CCSER2: variants seen among roughly 807,000 people sequenced by gnomAD.
CCSER2 encodes coiled-coil serine rich protein 2.
A neutral mutation model predicts 92.3 loss-of-function variants in CCSER2; 46 were observed. The observed-to-expected ratio is 0.50, with a 90% CI of 0.39 to 0.64. The LOEUF is 0.64. CCSER2 is among the 30% of genes least tolerant of loss of function. The probability of loss-of-function intolerance (pLI) is 0.00; values close to 1 mark genes in which losing one functional copy is unlikely to be tolerated. For missense variants in CCSER2, 1,244 were observed against 1,238.9 expected (o/e 1.00, Z -0.06); for synonymous variants, 433 against 431.4 (o/e 1.00, Z -0.04).
intron 8 of CCSER2, among the ~76,000 whole-genome samples, chr10:84,474,813 G>A (rs973629436): frequency 6.6e-6 from 1 of 152,124 alleles, no homozygotes; most frequent in African/African-American, 2.4e-5. Context: ...ATCACCCAGT[G>A]TAAATCAGTG....
intron 1 of CCSER2, among the ~76,000 whole-genome samples, chr10:84,347,312 G>A (rs941331598): frequency 9.2e-5 from 14 of 152,158 alleles, no homozygotes; most frequent in Admixed American, 3.3e-4. Context: ...AGACGGGGTG[G>A]TGGCCAGGCA....
chr10:84,462,074 C>G (rs185558498), intron 6 of CCSER2, among the ~76,000 whole-genome samples: 1 of 152,268 alleles, frequency 6.6e-6, no homozygotes, highest in Admixed American at 6.5e-5. Context: ...AGAGGCTAGT[C>G]TGGGACCTGG....
chr10:84,353,221 T>C (rs1246087560), intron 1 of CCSER2, among the ~76,000 whole-genome samples: 3 of 152,202 alleles, frequency 2.0e-5, no homozygotes, highest in Non-Finnish European at 4.4e-5. Flanking sequence ...GTTAAGCCTT[T>C]CCACCCTCTG....
At chr10:84,394,346 A>G (rs1454015306) in intron 3 of CCSER2, among the ~76,000 whole-genome samples, 2 of 151,044 alleles carry the variant, frequency 1.3e-5, no homozygotes, top group African/African-American at 4.9e-5. Context: ...TTTATAAATG[A>G]TTAGTATGCA....
chr10:84,501,154 C>G (rs1848697911), intron 9 of CCSER2, among the ~76,000 whole-genome samples: 1 of 152,188 alleles, frequency 6.6e-6, no homozygotes, highest in African/African-American at 2.4e-5. Context: ...TCTCCCACCA[C>G]CTTGGTAACT....
At chr10:84,370,850 ATTAAT>A (rs1169458503) in intron 1 of CCSER2, among the ~76,000 whole-genome samples, 159 bp from the exon 2 acceptor site, 1 of 152,172 alleles carries the variant, frequency 6.6e-6, no homozygotes, top group Non-Finnish European at 1.5e-5. Flanking sequence ...ACATAAAGTT[ATTAAT>A]TTAATTAGTG....
intron 6 of CCSER2, among the ~76,000 whole-genome samples, chr10:84,454,225 C>A (rs1427009238): frequency 1.3e-5 from 2 of 152,210 alleles, no homozygotes; most frequent in Non-Finnish European, 2.9e-5. Flanking sequence ...CCAGTCTCTA[C>A]TTCCATCTTC....
At position 84,513,439 on chromosome 10, in the gene CCSER2, A is replaced by G; in HGVS notation, c.2326-10A>G. ...GAACTTGCTGCTAATGTTGTTTTTA[A>G]TTTTAACAGCCTCAAGTACTACAGC... On this transcript the variant is annotated splice_polypyrimidine_tract_variant and intron_variant, in intron 9 of 9. Transcript: ENST00000372088. 1 of 1,564,684 alleles carries G rather than the reference A, an allele frequency of 6.4e-7. No individual in the cohort carries two copies. Among genetic ancestry groups the G allele is most frequent in the Non-Finnish European group, 8.6e-7 (1 of 1,157,016 alleles).
intron 7 of CCSER2, among the ~76,000 whole-genome samples, chr10:84,469,964 A>G (rs960000139): frequency 1.9e-4 from 25 of 131,702 alleles, no homozygotes; most frequent in Non-Finnish European, 6.5e-5. Context: ...TTCACAGGCT[A>G]CTCTTATGTA....
At chr10:84,503,170 G>A (rs866426513) in intron 9 of CCSER2, among the ~76,000 whole-genome samples, 6 of 152,072 alleles carry the variant, frequency 3.9e-5, no homozygotes, top group Admixed American at 1.3e-4. Flanking sequence ...GGAGCTTGCC[G>A]TGAGCCAGAT....
rs544457008 is a variant in CCSER2 at position 84,460,548 on chromosome 10, G to A, written c.2065-3385G>A. On this transcript the variant is annotated intron_variant, in intron 6 of 9. Coordinates refer to ENST00000372088, the MANE Select transcript of CCSER2 (RefSeq NM_001284240.2). ...TTTCTCTAAGTGGTTGTATAGAATTGATGTTATTCTCTTAAATTTTGGAAC... is the reference window on the plus strand; with the variant it reads ...TTTCTCTAAGTGGTTGTATAGAATTAATGTTATTCTCTTAAATTTTGGAAC... 1.2e-4 allele frequency among the ~76,000 whole-genome samples: 18 copies of A among 151,212 alleles called. No homozygotes were observed. In the South Asian group the frequency reaches 3.8e-3, roughly 32 times the overall value.
At chr10:84,466,437 G>A (rs936503087) in intron 7 of CCSER2, among the ~76,000 whole-genome samples, 2 of 151,814 alleles carry the variant, frequency 1.3e-5, no homozygotes, top group African/African-American at 2.4e-5. Context: ...TCTGCAGGTA[G>A]CCTTATGTTT....
At chr10:84,406,823 T>C (rs984656319) in intron 3 of CCSER2, among the ~76,000 whole-genome samples, 3 of 152,206 alleles carry the variant, frequency 2.0e-5, no homozygotes, top group Non-Finnish European at 2.9e-5. Context: ...TGGTTTCCTC[T>C]TTTCCTGTAA....
At chr10:84,411,030 C>T (rs1490552910) in intron 3 of CCSER2, among the ~76,000 whole-genome samples, 1 of 152,178 alleles carries the variant, frequency 6.6e-6, no homozygotes, top group Non-Finnish European at 1.5e-5. Flanking sequence ...TGTCCTTTCT[C>T]TGTTGCTTGT....
intron 9 of CCSER2, among the ~76,000 whole-genome samples, chr10:84,478,344 T>C (rs1287834358): frequency 6.6e-6 from 1 of 152,222 alleles, no homozygotes; most frequent in African/African-American, 2.4e-5. Flanking sequence ...GTCATTCTGC[T>C]GTTGTTTGGG....
In CCSER2 at chr10:84,425,899, T is replaced by A. The variant is rs1398208586; in HGVS notation, c.1868+6T>A. The stretch of plus-strand genomic sequence containing the variant: ...GGAAAAAGTGACTTGAGCAGGTAAG[T>A]ACTGTTCTGACTTAGATTTCATTTG... On this transcript the variant is annotated splice_donor_region_variant and intron_variant, in intron 5 of 9. Coordinates refer to ENST00000372088, the MANE Select transcript of CCSER2 (RefSeq NM_001284240.2). 2 of 1,546,552 alleles carry A rather than the reference T, an allele frequency of 1.3e-6. No individual in the cohort carries two copies. The highest frequency in any genetic ancestry group is 1.8e-6 in the Non-Finnish European group (2 of 1,139,962).
intron 9 of CCSER2, among the ~76,000 whole-genome samples, chr10:84,484,564 A>G (rs1365640495): frequency 1.3e-5 from 2 of 151,806 alleles, no homozygotes; most frequent in African/African-American, 2.4e-5. Flanking sequence ...TGTATTCACT[A>G]TTACTTATAT....
At chr10:84,471,662 G>T (rs1403250498) in intron 8 of CCSER2, among the ~76,000 whole-genome samples, 1 of 152,070 alleles carries the variant, frequency 6.6e-6, no homozygotes, top group Non-Finnish European at 1.5e-5. Context: ...AGATTAAAAT[G>T]AATGAGCGGT....
At chr10:84,450,063 G>A (rs1437460392) in intron 6 of CCSER2, among the ~76,000 whole-genome samples, 1 of 152,074 alleles carries the variant, frequency 6.6e-6, no homozygotes, top group African/African-American at 2.4e-5. Context: ...AAAGTCAAGG[G>A]TTTTTAATTG....
Sources: allele counts gnomAD v4.1 joint callset (sites outside exome capture counted in the v4.1 genomes callset), GRCh38; gene constraint gnomAD v4.1.1; transcripts MANE v1.5; gene names NCBI Gene and HGNC (gene_info 2026-07-23, HGNC 2026-07-21).